PARD3B: variants seen among roughly 807,000 people sequenced by gnomAD.
PARD3B encodes the protein partitioning defective 3 homolog B.
In PARD3B, 103 loss-of-function variants were observed where a neutral mutation model predicts 130.2. The observed-to-expected ratio is 0.79, with a 90% CI of 0.67 to 0.93. PARD3B has a LOEUF of 0.93. Ranked by LOEUF, PARD3B falls within the 40% of genes least tolerant of loss-of-function variation. PARD3B has a pLI of 0.00. For missense variants in PARD3B, 1,609 were observed against 1,499.2 expected, an observed-to-expected ratio of 1.07 and a Z score of -1.21; for synonymous variants, 583 against 553.2, an observed-to-expected ratio of 1.05 and a Z score of -0.76.
chr2:204,746,009 C>T (rs1286694961), intron 2 of PARD3B, among the ~76,000 whole-genome samples: 1 of 148,760 alleles, frequency 6.7e-6, no homozygotes, highest in African/African-American at 2.5e-5. Flanking sequence ...ACTTTAAGTT[C>T]TAGGGTACAT....
rs140267290 is a variant in PARD3B, at chr2:204,842,830, G to A, written c.223-122322G>A. ...GCTTTCTCTAGAGCTGAGTCACTGA[G>A]GACTGCTACCTTAGCTCCTCAAAGC... On this transcript the variant is annotated intron_variant, in intron 2 of 22. Transcript: ENST00000406610. Among the ~76,000 whole-genome samples, 81 of 152,236 alleles carry A rather than the reference G, an allele frequency of 5.3e-4. 1 individual carries two copies. In the East Asian group the frequency reaches 0.014, roughly 26 times the overall value.
intron 20 of PARD3B, among the ~76,000 whole-genome samples, chr2:205,453,629 C>T (rs1479693680): frequency 6.6e-6 from 1 of 152,156 alleles, no homozygotes; most frequent in Non-Finnish European, 1.5e-5. Flanking sequence ...CCAAGTCTTA[C>T]TCCAAAACTC....
At chr2:204,804,447 C>T (rs2042690919) in intron 2 of PARD3B, among the ~76,000 whole-genome samples, 1 of 152,084 alleles carries the variant, frequency 6.6e-6, no homozygotes, top group Admixed American at 6.6e-5. Context: ...AAGAGGATAT[C>T]ACAGTTGTAA....
chr2:205,417,106 T>A (rs1308478573), intron 19 of PARD3B, among the ~76,000 whole-genome samples: 1 of 115,518 alleles, frequency 8.7e-6, no homozygotes, highest in African/African-American at 3.5e-5. Flanking sequence ...CAGGCCCCAG[T>A]GTGTGATGTT....
chr2:204,851,776 T>A (rs897660076), intron 2 of PARD3B, among the ~76,000 whole-genome samples: 2 of 151,370 alleles, frequency 1.3e-5, no homozygotes, highest in Non-Finnish European at 2.9e-5. Flanking sequence ...CACTGCAACC[T>A]CTGCCTCCAG....
intron 18 of PARD3B, among the ~76,000 whole-genome samples, chr2:205,332,783 G>A (rs1228118293): frequency 6.6e-6 from 1 of 152,042 alleles, no homozygotes; most frequent in Non-Finnish European, 1.5e-5. Context: ...ACTTTTCACT[G>A]AAAACCCACA....
At position 205,172,303 on chromosome 2, in the gene PARD3B, G is replaced by A; in HGVS notation, c.1713G>A (p.Arg571=). 6.2e-7 allele frequency: 1 copy of A among 1,614,134 alleles called. No homozygotes were observed. Among genetic ancestry groups the A allele is most frequent in the Non-Finnish European group, 8.5e-7 (1 of 1,180,012 alleles). Reference sequence around the variant, plus strand: ...ACCACGAAGCTATGGAAACACTTAGGCGGTCAATGTCCATGGAGGGAAACA... The same window carrying A: ...ACCACGAAGCTATGGAAACACTTAGACGGTCAATGTCCATGGAGGGAAACA... The part of the protein sequence containing the change: ...KSNHEAMETL[R]RSMSMEGNIR... Residue 571 remains arginine (R), a synonymous_variant, in exon 12 of 23, where the codon AGG becomes AGA. Coordinates refer to ENST00000406610, the MANE Select transcript of PARD3B (RefSeq NM_001302769.2).
chr2:204,573,416 G>A (rs1267250058), intron 1 of PARD3B, among the ~76,000 whole-genome samples: 1 of 152,150 alleles, frequency 6.6e-6, no homozygotes, highest in Non-Finnish European at 1.5e-5. Context: ...TGGTAGTGGG[G>A]TGGAGGGGCT....
chr2:204,988,368 C>G (rs1034317887), intron 3 of PARD3B, among the ~76,000 whole-genome samples: 4 of 151,892 alleles, frequency 2.6e-5, no homozygotes, highest in Non-Finnish European at 4.4e-5. Flanking sequence ...ATGTGGAGGA[C>G]AGGTGGGGAT....
In PARD3B at chr2:205,309,437, TC is replaced by T. The variant is rs1347728028; in HGVS notation, c.2630+7738del. Among the ~76,000 whole-genome samples the T allele has an allele frequency of 6.6e-6, 1 of 152,236 alleles. No homozygotes were observed. The highest frequency in any genetic ancestry group is 1.5e-5 in the Non-Finnish European group (1 of 68,048). The stretch of plus-strand genomic sequence containing the variant: ...CAATCTAGAGGCATCAACTTTTTGT[TC>T]CTAAGCCTTACAGATTTTAAGGCAT... On this transcript the variant is annotated intron_variant, in intron 18 of 22. Coordinates refer to ENST00000406610, the MANE Select transcript of PARD3B (RefSeq NM_001302769.2). This position sits in a 1 kb window ranked among gnomAD's most constrained non-coding sequence, Gnocchi z 4.7.
chr2:205,413,337 C>G (rs184801214), intron 19 of PARD3B, among the ~76,000 whole-genome samples: 42 of 152,198 alleles, frequency 2.8e-4, no homozygotes, highest in African/African-American at 8.7e-4. Context: ...CATGCCTTCT[C>G]TCCCTTACTA....
At chr2:205,317,979 C>A (rs950965344) in intron 18 of PARD3B, among the ~76,000 whole-genome samples, 9 of 152,084 alleles carry the variant, frequency 5.9e-5, no homozygotes, top group African/African-American at 1.9e-4. Flanking sequence ...CACTTGCCAA[C>A]AAAAGAATTC....
At chr2:204,821,590 G>T (rs1260390400) in intron 2 of PARD3B, among the ~76,000 whole-genome samples, 2 of 151,538 alleles carry the variant, frequency 1.3e-5, no homozygotes, top group Non-Finnish European at 2.9e-5. Context: ...TACACCTAAT[G>T]CTAAATGACA....
intron 16 of PARD3B, among the ~76,000 whole-genome samples, chr2:205,298,311 A>T (rs1207431): frequency 6.6e-6 from 1 of 152,042 alleles, no homozygotes; most frequent in Non-Finnish European, 1.5e-5. Flanking sequence ...GCTTCTATAC[A>T]CCCAAACCTC....
At chr2:205,172,475 G>A (rs1040499619) in intron 12 of PARD3B, 94 bp downstream of exon 12, 26 of 1,279,578 alleles carry the variant, frequency 2.0e-5, no homozygotes, top group African/African-American at 1.3e-4. Context: ...GATTCATATC[G>A]AGAAAATATG....
intron 22 of PARD3B, among the ~76,000 whole-genome samples, chr2:205,566,895 T>C (rs1408612802): frequency 1.3e-5 from 2 of 152,242 alleles, no homozygotes; most frequent in Non-Finnish European, 2.9e-5. Context: ...TATCTATCAC[T>C]GTCTTTGTAA....
At chr2:204,750,321 G>A (rs1036436870) in intron 2 of PARD3B, among the ~76,000 whole-genome samples, 23 of 152,060 alleles carry the variant, frequency 1.5e-4, no homozygotes, top group African/African-American at 4.1e-4. Flanking sequence ...TGTGACTCAC[G>A]CCTGTAATCC....
At chr2:205,484,942 T>G (rs1471128349) in intron 20 of PARD3B, among the ~76,000 whole-genome samples, 1 of 152,188 alleles carries the variant, frequency 6.6e-6, no homozygotes, top group African/African-American at 2.4e-5. Context: ...AGAGTTCAAT[T>G]GTCAGCAGCA....
chr2:204,882,645 A>G (rs566702881), intron 2 of PARD3B, among the ~76,000 whole-genome samples: 1 of 152,284 alleles, frequency 6.6e-6, no homozygotes, highest in South Asian at 2.1e-4. Context: ...TACTATTAGG[A>G]TCTTTTCAAT....
Sources: allele counts gnomAD v4.1 joint callset (sites outside exome capture counted in the v4.1 genomes callset), GRCh38; gene constraint gnomAD v4.1.1; non-coding constraint Gnocchi (gnomAD v3.1); transcripts MANE v1.5; gene names NCBI Gene and HGNC (gene_info 2026-07-23, HGNC 2026-07-21).